Variants in DSE observed in about 807,000 individuals in gnomAD.
DSE encodes the protein dermatan sulfate epimerase.
A neutral mutation model predicts 84.4 loss-of-function variants in DSE; 36 were observed. The observed-to-expected ratio is 0.43, with a 90% confidence interval of 0.33 to 0.56. The LOEUF is 0.56. Among genes scored for constraint, DSE ranks in the 20% least tolerant of loss-of-function variants. DSE has a pLI of 0.06. For missense variants in DSE, 862 were observed against 1,169.6 expected (o/e 0.74, Z 3.84); for synonymous variants, 410 against 430.1 (o/e 0.95, Z 0.58).
intron 2 of DSE, among the ~76,000 whole-genome samples, chr6:116,327,039 A>G (rs1776664846): frequency 6.6e-6 from 1 of 152,188 alleles, no homozygotes; most frequent in African/African-American, 2.4e-5. Flanking sequence ...CTTCTGTAGA[A>G]GCCTTCTAAC....
intron 2 of DSE, among the ~76,000 whole-genome samples, chr6:116,359,952 A>G (rs1196769554): frequency 6.6e-6 from 1 of 152,204 alleles, no homozygotes; most frequent in East Asian, 1.9e-4. Context: ...TTATTTTCAA[A>G]TGATTCCCCA....
intron 2 of DSE, among the ~76,000 whole-genome samples, chr6:116,340,721 G>A (rs2114818248): frequency 6.7e-6 from 1 of 149,260 alleles, no homozygotes; most frequent in African/African-American, 2.5e-5. Flanking sequence ...TCCCACCTTT[G>A]AGTGAGAACA....
At chr6:116,328,497 C>G (rs1562233430) in intron 2 of DSE, among the ~76,000 whole-genome samples, 1 of 152,118 alleles carries the variant, frequency 6.6e-6, no homozygotes, top group Admixed American at 6.5e-5. Context: ...CCAGGAAATA[C>G]CTCAAATGGC....
intron 2 of DSE, among the ~76,000 whole-genome samples, chr6:116,333,507 A>G (rs1777073810): frequency 6.6e-6 from 1 of 152,184 alleles, no homozygotes; most frequent in South Asian, 2.1e-4. Flanking sequence ...CCATCTCCCA[A>G]TACCGTTACA....
At chr6:116,388,759 C>T (rs942305711) in intron 1 of DSE, among the ~76,000 whole-genome samples, 4 of 152,100 alleles carry the variant, frequency 2.6e-5, no homozygotes, top group Admixed American at 2.6e-4. Context: ...ACTGTGTAAG[C>T]ATGTTTTTAT....
intron 2 of DSE, among the ~76,000 whole-genome samples, chr6:116,348,455 A>AC (rs984034729): frequency 6.9e-4 from 104 of 151,466 alleles, no homozygotes; most frequent in African/African-American, 2.4e-3. Context: ...CAAAAAAAAA[A>AC]CCCCAAAAGT....
rs74320809 is a variant in DSE, at chr6:116,444,528, C to G, written c.*7183C>G. 4 of 152,162 alleles carry G rather than the reference C, an allele frequency of 2.6e-5. No individual in the cohort carries two copies. The highest frequency in any genetic ancestry group is 1.5e-5 in the Non-Finnish European group (1 of 68,028). 9.4% of individuals were successfully genotyped at this position (152,162 alleles called of 1,614,324 possible). A position where few individuals can be genotyped will look rare whatever the true frequency, so the allele number is the denominator to read the frequency against. On this transcript the variant is annotated 3_prime_UTR_variant, in exon 6 of 6. Coordinates refer to ENST00000644252, the MANE Select transcript of DSE (RefSeq NM_013352.4). ...TACAGAAGACTGTGGTCCCAGAAGACCTTAACATTGAGCTTGCTGCAGACT... is the reference window on the plus strand; with the variant it reads ...TACAGAAGACTGTGGTCCCAGAAGAGCTTAACATTGAGCTTGCTGCAGACT...
intron 2 of DSE, among the ~76,000 whole-genome samples, chr6:116,360,175 A>C (rs943961073): frequency 1.1e-4 from 17 of 152,090 alleles, no homozygotes; most frequent in Admixed American, 9.8e-4. Context: ...GAGGAGAACA[A>C]CACACACTGG....
chr6:116,351,550 G>A, intron 2 of DSE, among the ~76,000 whole-genome samples: 1 of 152,022 alleles, frequency 6.6e-6, no homozygotes, highest in East Asian at 1.9e-4. Context: ...CTATTATAGT[G>A]ATGTTTGTTA....
rs562789659 is a variant in DSE at position 116,399,394 on chromosome 6, C to T, written c.144C>T (p.Phe48=). ...ANYDSHPMLY[F]SRAEVAELQL... The stretch of plus-strand genomic sequence containing the variant: ...ACGACAGCCATCCCATGCTGTACTT[C>T]TCCAGGGCAGAAGTGGCGGAGCTGC... The change falls in exon 2 of 6, where the codon TTC becomes TTT. Residue 48 remains phenylalanine, a synonymous_variant. Coordinates refer to ENST00000644252, the MANE Select transcript of DSE (RefSeq NM_013352.4). 2.2e-5 allele frequency: 35 copies of T among 1,614,158 alleles called. No homozygotes were observed. In the Middle Eastern group the frequency reaches 1.2e-3, roughly 53 times the overall value.
At chr6:116,297,801 T>C (rs1446574532) in intron 2 of DSE, among the ~76,000 whole-genome samples, 1 of 152,234 alleles carries the variant, frequency 6.6e-6, no homozygotes, top group Non-Finnish European at 1.5e-5. Context: ...AGGGGATGTC[T>C]GCCATGGCAG....
In DSE at chr6:116,399,909, T is replaced by C. The variant is rs1005745051; in HGVS notation, c.416+243T>C. ...GCAGCCTAATCTAAAGAAAAAATAA[T>C]TTGCTGAATTGAGTAAAGAGTATCA... On this transcript the variant is annotated intron_variant, in intron 2 of 5. Coordinates refer to ENST00000644252, the MANE Select transcript of DSE (RefSeq NM_013352.4). 1.6e-5 allele frequency: 8 copies of C among 493,946 alleles called. No individual in the cohort carries two copies. In the South Asian group the frequency reaches 2.3e-4, roughly 14 times the overall value. 30.6% of individuals were successfully genotyped at this position (493,946 alleles called of 1,614,324 possible).
intron 2 of DSE, among the ~76,000 whole-genome samples, chr6:116,347,143 T>A (rs1198918712): frequency 1.3e-5 from 2 of 152,160 alleles, no homozygotes; most frequent in African/African-American, 4.8e-5. Context: ...TGGAAGAACA[T>A]TCCATGCTCA....
intron 2 of DSE, among the ~76,000 whole-genome samples, chr6:116,272,552 G>C (rs980229955): frequency 2.6e-5 from 4 of 152,120 alleles, no homozygotes; most frequent in Non-Finnish European, 5.9e-5. Context: ...GATATACCAG[G>C]CTCTTTGCAA....
chr6:116,327,871 T>C (rs756285439), intron 2 of DSE, among the ~76,000 whole-genome samples: 2 of 152,192 alleles, frequency 1.3e-5, no homozygotes, highest in Non-Finnish European at 2.9e-5. Flanking sequence ...TAAAAGTCTT[T>C]CTTTTAGCTG....
chr6:116,416,349 CTGTGTGTG>C lies in DSE; in HGVS notation c.417-10185_417-10178del, dbSNP rs59237926. On this transcript the variant is annotated intron_variant, in intron 2 of 5. Coordinates refer to ENST00000644252, the MANE Select transcript of DSE (RefSeq NM_013352.4). ...ACAGGTTCTAAACAGCTAATTGCCA[CTGTGTGTG>C]TGTGTGTGTGTGTGTGTGTGTGTGT... 5.5e-3 allele frequency among the ~76,000 whole-genome samples: 740 copies of C among 134,032 alleles called. 3 individuals carry two copies. Among genetic ancestry groups the C allele is most frequent in the Middle Eastern group, 7.2e-3 (2 of 278 alleles). 87.9% of individuals were successfully genotyped at this position (134,032 alleles called of 152,430 possible).
intron 2 of DSE, among the ~76,000 whole-genome samples, chr6:116,301,246 C>T (rs1001231146): frequency 5.9e-5 from 9 of 152,100 alleles, no homozygotes; most frequent in Admixed American, 2.6e-4. Context: ...CAACCTCCCT[C>T]GGGGCTTCTC....
At chr6:116,390,447 G>A (rs1479561924) in intron 1 of DSE, among the ~76,000 whole-genome samples, 1 of 151,790 alleles carries the variant, frequency 6.6e-6, no homozygotes, top group Non-Finnish European at 1.5e-5. Flanking sequence ...CCCCAACTTG[G>A]GTAAGGAATT....
chr6:116,383,363 G>A (rs1276189750), intron 1 of DSE, among the ~76,000 whole-genome samples: 2 of 152,170 alleles, frequency 1.3e-5, no homozygotes, highest in African/African-American at 4.8e-5. Flanking sequence ...GTAAAAATGG[G>A]TAGGGTGGGT....
Sources: gnomAD v4.1 joint callset for allele counts (sites outside exome capture counted in the v4.1 genomes callset) on GRCh38, gnomAD v4.1.1 for gene constraint, MANE v1.5 for transcripts, NCBI Gene and HGNC (gene_info 2026-07-23, HGNC 2026-07-21) for gene names.